C5: variants seen among roughly 807,000 people sequenced by gnomAD.
The protein encoded by C5 is complement C5.
Under a neutral mutation model 218.8 loss-of-function variants are expected in C5, and 140 were observed. That is an observed-to-expected ratio of 0.64 (90% confidence interval 0.56 to 0.74). The LOEUF is 0.74. Ranked by LOEUF, C5 falls within the 30% of genes least tolerant of loss-of-function variation. The pLI is 0.00. For missense variants in C5, 1,700 were observed against 1,969.6 expected, an observed-to-expected ratio of 0.86 and a Z score of 2.59; for synonymous variants, 614 against 682.3, an observed-to-expected ratio of 0.90 and a Z score of 1.56.
chr9:121,055,842 A>T, the C5 span, among the ~76,000 whole-genome samples: 11 of 152,210 alleles, frequency 7.2e-5, no homozygotes, highest in Non-Finnish European at 1.5e-4. Context: ...TGTGGCCAGT[A>T]GAGTGTCTGC....
chr9:120,962,548 T>C lies in C5; in HGVS notation c.4504+123A>G, dbSNP rs150276020. 160 of 799,484 alleles carry C rather than the reference T, an allele frequency of 2.0e-4. 3 individuals are homozygous for C. Among genetic ancestry groups the C allele is most frequent in the Middle Eastern group, 1.5e-3 (6 of 4,024 alleles). 49.5% of individuals were successfully genotyped at this position (799,484 alleles called of 1,614,324 possible). Reference sequence around the variant, plus strand: ...GTTTTGAATGTTCAAATTGGGACTTTCATGAAGAGTGGTCCCTAAGAGAGG... The same window carrying C: ...GTTTTGAATGTTCAAATTGGGACTTCCATGAAGAGTGGTCCCTAAGAGAGG... On this transcript the variant is annotated intron_variant, in intron 36 of 40. Coordinates refer to ENST00000223642, the MANE Select transcript of C5 (RefSeq NM_001735.3).
Position 120,979,985 on chromosome 9 carries a change from A to G in C5, c.3658+98T>C, listed in dbSNP as rs2046979811. 1.1e-5 allele frequency: 11 copies of G among 1,003,690 alleles called. No homozygotes were observed. In the South Asian group the frequency reaches 1.3e-4, roughly 12 times the overall value. 62.2% of individuals were successfully genotyped at this position (1,003,690 alleles called of 1,614,324 possible). The stretch of plus-strand genomic sequence containing the variant: ...TTTGTTCCTTGAGGACAGGAATTGC[A>G]TCTTACTCAAGTTCACATGTCACCA... On this transcript the variant is annotated intron_variant, in intron 28 of 40. Coordinates refer to ENST00000223642, the MANE Select transcript of C5 (RefSeq NM_001735.3).
intron 25 of C5, among the ~76,000 whole-genome samples, chr9:120,983,883 C>A (rs974222952): frequency 1.3e-5 from 2 of 152,120 alleles, no homozygotes; most frequent in Non-Finnish European, 2.9e-5. Flanking sequence ...CACCTCCCAA[C>A]AGAAGATGAC....
At chr9:121,064,933 C>T in the C5 span, among the ~76,000 whole-genome samples, 1 of 151,918 alleles carries the variant, frequency 6.6e-6, no homozygotes, top group Admixed American at 6.6e-5. Flanking sequence ...GACATGGTGG[C>T]GGTGCCTGTA....
chr9:121,070,423 A>ATG, the C5 span, among the ~76,000 whole-genome samples: 7 of 115,066 alleles, frequency 6.1e-5, no homozygotes, highest in African/African-American at 1.3e-4. Flanking sequence ...ATATATATAT[A>ATG]TATGTATGTA....
At chr9:120,988,295 T>A (rs1176243289) in intron 25 of C5, among the ~76,000 whole-genome samples, 1 of 151,934 alleles carries the variant, frequency 6.6e-6, no homozygotes, top group Non-Finnish European at 1.5e-5. Flanking sequence ...TACACAATAG[T>A]GGAATAAGCA....
chr9:120,997,190 G>A (rs2131723095), intron 21 of C5, among the ~76,000 whole-genome samples: 1 of 151,502 alleles, frequency 6.6e-6, no homozygotes, highest in South Asian at 2.1e-4. Context: ...TGTATTAAGG[G>A]GAAAAAAAAG....
intron 2 of C5, among the ~76,000 whole-genome samples, chr9:121,044,948 C>CTTTTT (rs1158658235): frequency 3.1e-5 from 4 of 127,824 alleles, no homozygotes; most frequent in African/African-American, 5.7e-5. Flanking sequence ...GTAACACTTT[C>CTTTTT]TTTTTTTTTT....
chr9:120,989,428 A>G (rs1456169897), intron 24 of C5, 140 bp downstream of exon 24: 1 of 663,626 alleles, frequency 1.5e-6, no homozygotes, highest in Non-Finnish European at 2.6e-6. Flanking sequence ...ATATTTATTT[A>G]TATAGTAGAG....
At chr9:121,023,149 C>T (rs983263556) in intron 10 of C5, among the ~76,000 whole-genome samples, 4 of 152,148 alleles carry the variant, frequency 2.6e-5, no homozygotes, top group African/African-American at 9.7e-5. Flanking sequence ...TTATTTATTA[C>T]ATGTAATTTA....
intron 22 of C5, among the ~76,000 whole-genome samples, chr9:120,993,200 T>C (rs2047089899): frequency 6.6e-6 from 1 of 152,190 alleles, no homozygotes; most frequent in African/African-American, 2.4e-5. Context: ...GCACTGCTAA[T>C]GGAAGTATAA....
intron 6 of C5, among the ~76,000 whole-genome samples, 153 bp from the exon 7 acceptor site, chr9:121,030,640 A>G (rs948514928): frequency 2.0e-5 from 3 of 152,206 alleles, no homozygotes; most frequent in African/African-American, 4.8e-5. Flanking sequence ...CATCATCGTC[A>G]TCACCAACAA....
intron 25 of C5, among the ~76,000 whole-genome samples, chr9:120,984,635 C>A (rs988019346): frequency 2.1e-5 from 3 of 146,128 alleles, no homozygotes; most frequent in African/African-American, 5.0e-5. Context: ...CCTTTGGGAT[C>A]AATTATAAAG....
chr9:121,006,313 A>G (rs1487548425), intron 19 of C5, among the ~76,000 whole-genome samples: 2 of 152,218 alleles, frequency 1.3e-5, no homozygotes, highest in Admixed American at 6.5e-5. Context: ...ATGTTTATCA[A>G]CTAACACACC....
intron 30 of C5, among the ~76,000 whole-genome samples, chr9:120,974,266 C>T (rs2046935793): frequency 1.3e-5 from 2 of 152,146 alleles, no homozygotes; most frequent in African/African-American, 4.8e-5. Context: ...GAGCTGGGGA[C>T]CCTAAAGGCC....
chr9:121,047,026 A>G (rs1394945671), intron 1 of C5, among the ~76,000 whole-genome samples: 2 of 152,178 alleles, frequency 1.3e-5, no homozygotes, highest in African/African-American at 4.8e-5. Flanking sequence ...GTGCATTTGG[A>G]AATGGAAATA....
chr9:120,981,815 G>T (rs1413653664), intron 27 of C5, 29 bp downstream of exon 27: 1 of 1,429,616 alleles, frequency 7.0e-7, no homozygotes, highest in South Asian at 1.1e-5. Context: ...ATAGATGATG[G>T]GTGTGAGAGA....
chr9:120,956,736 C>A (rs4271038), intron 39 of C5, among the ~76,000 whole-genome samples: 17,032 of 152,096 alleles, frequency 0.11, 1,456 homozygotes, highest in African/African-American at 0.24. Context: ...CAGGTTACAG[C>A]ACCCAGAAAT....
At chr9:121,036,348 C>T (rs546244891) in intron 4 of C5, among the ~76,000 whole-genome samples, 1 of 152,134 alleles carries the variant, frequency 6.6e-6, no homozygotes, top group Non-Finnish European at 1.5e-5. Flanking sequence ...CTTTCTCAAT[C>T]TTTTCTTCCT....
Sources: gnomAD v4.1 joint callset for allele counts (sites outside exome capture counted in the v4.1 genomes callset) on GRCh38, gnomAD v4.1.1 for gene constraint, MANE v1.5 for transcripts, NCBI Gene and HGNC (gene_info 2026-07-23, HGNC 2026-07-21) for gene names.